KIAA0825: variants seen among roughly 807,000 people sequenced by gnomAD.
KIAA0825 encodes the protein uncharacterized protein KIAA0825.
In KIAA0825, 119 loss-of-function variants were observed where a neutral mutation model predicts 147.6. The ratio of observed to expected loss-of-function variants is 0.81; its 90% confidence interval spans 0.69 to 0.94. The LOEUF is 0.94. Among genes scored for constraint, KIAA0825 ranks in the 40% least tolerant of loss-of-function variants. The pLI, the probability that KIAA0825 is intolerant of heterozygous loss-of-function variation, is 0.00. For synonymous variants in KIAA0825, 470 were observed against 518.1 expected, an observed-to-expected ratio of 0.91 and a Z score of 1.26; for missense variants, 1,381 against 1,472.7, an observed-to-expected ratio of 0.94 and a Z score of 1.02.
chr5:94,491,738 A>G (rs1191066989), intron 5 of KIAA0825, among the ~76,000 whole-genome samples: 2 of 152,230 alleles, frequency 1.3e-5, no homozygotes, highest in African/African-American at 4.8e-5. Context: ...ACGACAAGGA[A>G]TATTTACACC....
At chr5:94,462,605 A>T in intron 11 of KIAA0825, 36 bp from the exon 12 acceptor site, 1 of 1,298,338 alleles carries the variant, frequency 7.7e-7, no homozygotes. Flanking sequence ...CATGTTAAAC[A>T]AAATAATGTC....
At chr5:94,488,574 A>T (rs935124503) in intron 5 of KIAA0825, among the ~76,000 whole-genome samples, 25 of 152,096 alleles carry the variant, frequency 1.6e-4, no homozygotes, top group Admixed American at 5.2e-4. Context: ...TAATTTTAAT[A>T]AGAATTTTTC....
At chr5:94,300,719 C>A (rs532928066) in intron 20 of KIAA0825, among the ~76,000 whole-genome samples, 1 of 151,898 alleles carries the variant, frequency 6.6e-6, no homozygotes, top group South Asian at 2.1e-4. Flanking sequence ...TTATGTATTT[C>A]AAAAAAAACT....
chr5:94,220,060 G>A (rs994022084), intron 20 of KIAA0825, among the ~76,000 whole-genome samples: 1 of 152,058 alleles, frequency 6.6e-6, no homozygotes, highest in Non-Finnish European at 1.5e-5. Flanking sequence ...CAAATACATT[G>A]TATAGCTGTG....
At chr5:94,341,398 C>G (rs1216959739) in intron 20 of KIAA0825, among the ~76,000 whole-genome samples, 2 of 152,208 alleles carry the variant, frequency 1.3e-5, no homozygotes, top group Non-Finnish European at 2.9e-5. Flanking sequence ...AGCTACCCAG[C>G]ATCATCATCG....
At chr5:94,530,428 G>T (rs1368639576) in intron 3 of KIAA0825, among the ~76,000 whole-genome samples, 1 of 152,054 alleles carries the variant, frequency 6.6e-6, no homozygotes, top group Non-Finnish European at 1.5e-5. Context: ...AGGACTACAG[G>T]CATGTGCCAC....
chr5:94,396,338 A>C lies in KIAA0825; in HGVS notation c.3059T>G (p.Val1020Gly). The C allele has an allele frequency of 1.3e-6, 2 of 1,550,964 alleles. No individual in the cohort carries two copies. The highest frequency in any genetic ancestry group is 1.7e-6 in the Non-Finnish European group (2 of 1,146,742). The change falls in exon 17 of 21, where the codon GTA becomes GGA. Residue 1020 changes from valine (V) to glycine (G), a missense_variant. Physicochemically the swap from Val to Gly is moderately radical, Grantham distance 109. Transcript: ENST00000682413. Reference sequence around the variant, plus strand: ...GTCCTCAAATATCCGACATATAATTACAATCAAGTTCCAGACAAGCAGGCC... The same window carrying C: ...GTCCTCAAATATCCGACATATAATTCCAATCAAGTTCCAGACAAGCAGGCC... ...KAGLLVWNLI[V>G]IICRIFEDGN...
intron 20 of KIAA0825, among the ~76,000 whole-genome samples, chr5:94,219,124 G>A (rs764557586): frequency 2.0e-5 from 3 of 151,954 alleles, no homozygotes; most frequent in Non-Finnish European, 2.9e-5. Context: ...TGATTAAAGC[G>A]CATTACATTT....
intron 14 of KIAA0825, among the ~76,000 whole-genome samples, chr5:94,417,602 C>T (rs1296773281): frequency 6.6e-6 from 1 of 152,076 alleles, no homozygotes; most frequent in Non-Finnish European, 1.5e-5. Flanking sequence ...ACCAAAAAAA[C>T]CTGTGAGAAA....
At chr5:94,379,002 T>G (rs557658544) in intron 20 of KIAA0825, among the ~76,000 whole-genome samples, 1 of 152,344 alleles carries the variant, frequency 6.6e-6, no homozygotes, top group African/African-American at 2.4e-5. Context: ...TGGTGGATAT[T>G]AGACCTTTGT....
chr5:94,534,456 C>T (rs1342875653), intron 3 of KIAA0825, among the ~76,000 whole-genome samples: 5 of 152,128 alleles, frequency 3.3e-5, no homozygotes, highest in Admixed American at 3.3e-4. Context: ...ATGTAGTATA[C>T]AGCACATAGA....
Position 94,498,730 on chromosome 5 carries a change from G to C in KIAA0825, c.971-13800C>G, listed in dbSNP as rs138546231. On this transcript the variant is annotated intron_variant, in intron 5 of 20. Coordinates refer to ENST00000682413, the MANE Select transcript of KIAA0825 (RefSeq NM_001145678.3). ...GGATAGCTCCTATGCGCCAGTCACA[G>C]TTTTCTCCACTATCTCCAATAAGTC... Among the ~76,000 whole-genome samples the C allele has an allele frequency of 1.7e-4, 26 of 152,340 alleles. No individual in the cohort carries two copies. In the East Asian group the frequency reaches 4.2e-3, roughly 25 times the overall value.
At chr5:94,575,523 T>A (rs939946014) in intron 2 of KIAA0825, among the ~76,000 whole-genome samples, 2 of 152,120 alleles carry the variant, frequency 1.3e-5, no homozygotes, top group Non-Finnish European at 2.9e-5. Context: ...CCAGAGAAAC[T>A]AAACAGGGCA....
At chr5:94,524,256 A>G (rs957032393) in intron 3 of KIAA0825, among the ~76,000 whole-genome samples, 158 bp from the exon 4 acceptor site, 1 of 151,708 alleles carries the variant, frequency 6.6e-6, no homozygotes, top group African/African-American at 2.4e-5. Flanking sequence ...CTATACATTC[A>G]TAGTTGAAAG....
intron 2 of KIAA0825, among the ~76,000 whole-genome samples, chr5:94,575,290 G>C (rs1190209665): frequency 6.6e-6 from 1 of 151,776 alleles, no homozygotes. Flanking sequence ...ACAGAGAGAG[G>C]AAGATCAATT....
intron 20 of KIAA0825, among the ~76,000 whole-genome samples, chr5:94,160,347 A>G (rs1230991969): frequency 6.6e-6 from 1 of 151,120 alleles, no homozygotes; most frequent in African/African-American, 2.4e-5. Context: ...CTCCAATTAT[A>G]TCAATATTAA....
chr5:94,477,128 A>T lies in KIAA0825; in HGVS notation c.1210T>A (p.Ser404Thr). 6.4e-7 allele frequency: 1 copy of T among 1,550,688 alleles called. No homozygotes were observed. The highest frequency in any genetic ancestry group is 8.7e-7 in the Non-Finnish European group (1 of 1,146,580). The change falls in exon 7 of 21, where the codon TCA becomes ACA. Residue 404 changes from serine (S) to threonine (T), a missense_variant. Coordinates refer to ENST00000682413, the MANE Select transcript of KIAA0825 (RefSeq NM_001145678.3). ...TCACTTACCTCTTTTCCTGGTAGTG[A>T]TTGCTCGGAAGGAATATTGGTTTCG... The part of the protein sequence containing the change: ...ANETNIPSEQ[S>T]LPGKEATLLD...
intron 20 of KIAA0825, among the ~76,000 whole-genome samples, chr5:94,309,557 A>G (rs1180481328): frequency 1.3e-5 from 2 of 151,762 alleles, no homozygotes; most frequent in Non-Finnish European, 2.9e-5. Flanking sequence ...AGACAAATTC[A>G]TGAGTGCAAG....
intron 20 of KIAA0825, among the ~76,000 whole-genome samples, chr5:94,356,504 C>CG (rs939498726): frequency 1.1e-4 from 17 of 150,614 alleles, no homozygotes; most frequent in African/African-American, 4.1e-4. Context: ...CCCAGCTACT[C>CG]GGGAGGCTGA....
Sources: gnomAD v4.1 joint callset for allele counts (sites outside exome capture counted in the v4.1 genomes callset) on GRCh38, gnomAD v4.1.1 for gene constraint, MANE v1.5 for transcripts, NCBI Gene and HGNC (gene_info 2026-07-23, HGNC 2026-07-21) for gene names.